Variants in PXDC1 observed in about 807,000 individuals in gnomAD.
The protein encoded by PXDC1 is PX domain containing 1, also known as PX domain-containing protein 1.
Under a neutral mutation model 24.4 loss-of-function variants are expected in PXDC1, and 13 were observed. That is an observed-to-expected ratio of 0.53 (90% confidence interval 0.35 to 0.85). The LOEUF is 0.85. Ranked by LOEUF, PXDC1 falls within the 40% of genes least tolerant of loss-of-function variation. The probability of loss-of-function intolerance (pLI) is 0.01; values close to 1 mark genes in which losing one functional copy is unlikely to be tolerated. For missense variants in PXDC1, 344 were observed against 309.3 expected (o/e 1.11, Z -0.84); for synonymous variants, 162 against 124.9 (o/e 1.30, Z -1.98).
chr6:3,734,617 T>C (rs1581245147), intron 3 of PXDC1, among the ~76,000 whole-genome samples: 1 of 152,294 alleles, frequency 6.6e-6, no homozygotes, highest in Non-Finnish European at 1.5e-5. Context: ...ATAAAGGTTC[T>C]GGAGACCCAG....
At chr6:3,736,304 C>CGGA (rs1361022255) in intron 3 of PXDC1, among the ~76,000 whole-genome samples, 2 of 152,166 alleles carry the variant, frequency 1.3e-5, no homozygotes, top group Non-Finnish European at 2.9e-5. Flanking sequence ...CTCTCCTTCC[C>CGGA]ACAGATCGCA....
At chr6:3,731,703 G>A (rs1404018897) in intron 3 of PXDC1, among the ~76,000 whole-genome samples, 7 of 152,188 alleles carry the variant, frequency 4.6e-5, no homozygotes, top group East Asian at 1.9e-4. Context: ...GGTCTTCTGC[G>A]ACCTCTGACA....
At position 3,737,987 on chromosome 6, in the gene PXDC1, C is replaced by T. The variant is rs1561735881; in HGVS notation, c.348+70G>A. 7.9e-6 allele frequency: 10 copies of T among 1,262,768 alleles called. 1 individual carries two copies. The highest frequency in any genetic ancestry group is 2.4e-5 in the South Asian group (2 of 82,382). The allele number at this position is 1,262,768 out of a possible 1,614,324, so 78.2% of individuals were successfully genotyped here. On this transcript the variant is annotated intron_variant, in intron 2 of 4. Coordinates refer to ENST00000380283, the MANE Select transcript of PXDC1 (RefSeq NM_183373.4). The surrounding 1 kb of genome is among the most constrained non-coding windows in gnomAD (Gnocchi z 5.5). ...CAAGTCAACCCTCCGGGGGGATGGACGCCTTTCGCATTTGGGAGGTGCCAG... is the reference window on the plus strand; with the variant it reads ...CAAGTCAACCCTCCGGGGGGATGGATGCCTTTCGCATTTGGGAGGTGCCAG...
At position 3,737,628 on chromosome 6, in the gene PXDC1, G is replaced by A. The variant is rs776292309; in HGVS notation, c.348+429C>T. ...GCCCGCAGGCTTACATGGAAAGGGAGTTGACGGTCAAATCCGGGCAACGTG... is the reference window on the plus strand; with the variant it reads ...GCCCGCAGGCTTACATGGAAAGGGAATTGACGGTCAAATCCGGGCAACGTG... On this transcript the variant is annotated intron_variant, in intron 2 of 4. Transcript: ENST00000380283. The surrounding 1 kb of genome is among the most constrained non-coding windows in gnomAD (Gnocchi z 5.5). The A allele has an allele frequency of 7.8e-5, 77 of 984,542 alleles. No individual in the cohort carries two copies. The highest frequency in any genetic ancestry group is 9.2e-5 in the Non-Finnish European group (76 of 829,228). The allele number at this position is 984,542 out of a possible 1,614,324, so 61.0% of individuals were successfully genotyped here.
Position 3,737,275 on chromosome 6 carries a change from G to A in PXDC1, c.349-79C>T, listed in dbSNP as rs944157395. 2.0e-5 allele frequency: 20 copies of A among 981,104 alleles called. No individual in the cohort carries two copies. The highest frequency in any genetic ancestry group is 2.2e-4 in the Middle Eastern group (1 of 4,516). 60.8% of individuals were successfully genotyped at this position (981,104 alleles called of 1,614,324 possible). The stretch of plus-strand genomic sequence containing the variant: ...TGTCTGTCTACCAAGAGAGGGCCCC[G>A]CTCCTCCGCAGAGGCAGCCTGTGTG... On this transcript the variant is annotated intron_variant, in intron 2 of 4. Coordinates refer to ENST00000380283, the MANE Select transcript of PXDC1 (RefSeq NM_183373.4). This position sits in a 1 kb window ranked among gnomAD's most constrained non-coding sequence, Gnocchi z 5.5.
At position 3,750,726 on chromosome 6, in the gene PXDC1, C is replaced by A. The variant is rs1354323392; in HGVS notation, c.256+550G>T. Among the ~76,000 whole-genome samples the A allele has an allele frequency of 2.2e-4, 34 of 152,100 alleles. 1 individual carries two copies. The highest frequency in any genetic ancestry group is 2.2e-3 in the Admixed American group (34 of 15,284). On this transcript the variant is annotated intron_variant, in intron 1 of 4. Transcript: ENST00000380283. ...CCTGGCTGTCCGCGGCAGCCGCGGG[C>A]GGGGCGGCCGCTCCGAGGAGGGACG... is the stretch of plus-strand genomic sequence containing the variant.
chr6:3,745,018 C>A lies in PXDC1; in HGVS notation c.256+6258G>T, dbSNP rs189726348. ...GCAGCCATTCTTTCTTAGGATCAGG[C>A]CTAGATCTTAGGATCTTTCTTAGGT... On this transcript the variant is annotated intron_variant, in intron 1 of 4. Transcript: ENST00000380283. Among the ~76,000 whole-genome samples the A allele has an allele frequency of 1.5e-3, 227 of 152,334 alleles. 2 individuals are homozygous for A. Among genetic ancestry groups the A allele is most frequent in the Non-Finnish European group, 1.3e-4 (9 of 68,026 alleles).
chr6:3,727,925 C>T (rs1760106805), intron 3 of PXDC1, among the ~76,000 whole-genome samples: 1 of 152,134 alleles, frequency 6.6e-6, no homozygotes, highest in African/African-American at 2.4e-5. Flanking sequence ...GTACGCTCTC[C>T]ATATGCCCTT....
rs1759965967 is a variant in PXDC1, at chr6:3,722,656, A to G, written c.*963T>C. 1 of 152,674 alleles carries G rather than the reference A, an allele frequency of 6.5e-6. No individual in the cohort carries two copies. Among genetic ancestry groups the G allele is most frequent in the Non-Finnish European group, 1.5e-5 (1 of 68,050 alleles). The allele number at this position is 152,674 out of a possible 1,614,324, so 9.5% of individuals were successfully genotyped here. A position where few individuals can be genotyped will look rare whatever the true frequency, so the allele number is the denominator to read the frequency against. ...TTTTATTTAATTAAAATAGATTAAA[A>G]ACAGACTGTGTAAAAGAATTAGAAT... On this transcript the variant is annotated 3_prime_UTR_variant, in exon 5 of 5. Transcript: ENST00000380283.
Position 3,737,255 on chromosome 6 carries a change from G to C in PXDC1, c.349-59C>G, listed in dbSNP as rs1188499272. 12 of 1,231,344 alleles carry C rather than the reference G, an allele frequency of 9.7e-6. No individual in the cohort carries two copies. The highest frequency in any genetic ancestry group is 1.3e-5 in the Non-Finnish European group (11 of 835,498). The allele number at this position is 1,231,344 out of a possible 1,614,324, so 76.3% of individuals were successfully genotyped here. ...CAGCCTCTACACGTTGGCCCTGTCT[G>C]TCTACCAAGAGAGGGCCCCGCTCCT... On this transcript the variant is annotated intron_variant, in intron 2 of 4. Coordinates refer to ENST00000380283, the MANE Select transcript of PXDC1 (RefSeq NM_183373.4). This position sits in a 1 kb window ranked among gnomAD's most constrained non-coding sequence, Gnocchi z 5.5.
intron 1 of PXDC1, among the ~76,000 whole-genome samples, chr6:3,741,972 ATCT>A (rs1760458902): frequency 6.6e-6 from 1 of 152,220 alleles, no homozygotes; most frequent in Non-Finnish European, 1.5e-5. Flanking sequence ...AATAAAAGAA[ATCT>A]TCATCTTGCA....
chr6:3,728,450 C>A lies in PXDC1; in HGVS notation c.467-788G>T, dbSNP rs930901157. 6.6e-6 allele frequency among the ~76,000 whole-genome samples: 1 copy of A among 152,122 alleles called. No individual in the cohort carries two copies. ...TTTCACTGTTTCGCTTTATGTAATTCTGTATGTAAATGATTTTTTTCCCAA... is the reference window on the plus strand; with the variant it reads ...TTTCACTGTTTCGCTTTATGTAATTATGTATGTAAATGATTTTTTTCCCAA... On this transcript the variant is annotated intron_variant, in intron 3 of 4. Coordinates refer to ENST00000380283, the MANE Select transcript of PXDC1 (RefSeq NM_183373.4). This position sits in a 1 kb window ranked among gnomAD's most constrained non-coding sequence, Gnocchi z 4.0.
chr6:3,746,758 G>A (rs376652856), intron 1 of PXDC1, among the ~76,000 whole-genome samples: 2 of 152,080 alleles, frequency 1.3e-5, no homozygotes, highest in Non-Finnish European at 2.9e-5. Flanking sequence ...GTTGGCCATC[G>A]GGTGGGATTC....
rs938603808 is a variant in PXDC1 at position 3,725,287 on chromosome 6, C to T, written c.579-1551G>A. Among the ~76,000 whole-genome samples, 3 of 152,120 alleles carry T rather than the reference C, an allele frequency of 2.0e-5. No individual in the cohort carries two copies. Among genetic ancestry groups the T allele is most frequent in the Non-Finnish European group, 4.4e-5 (3 of 68,014 alleles). On this transcript the variant is annotated intron_variant, in intron 4 of 4. Transcript: ENST00000380283. The surrounding 1 kb of genome is among the most constrained non-coding windows in gnomAD (Gnocchi z 4.8). The stretch of plus-strand genomic sequence containing the variant: ...TGAGGACATGAGGAGGGAGGGGGAC[C>T]GGGATGCTCAGGGAAAATGAGTCAT...
chr6:3,737,997 AT>A lies in PXDC1; in HGVS notation c.348+59del. 1 of 1,389,500 alleles carries A rather than the reference AT, an allele frequency of 7.2e-7. No individual in the cohort carries two copies. The highest frequency in any genetic ancestry group is 1.2e-5 in the South Asian group (1 of 85,530). 86.1% of individuals were successfully genotyped at this position (1,389,500 alleles called of 1,614,324 possible). On this transcript the variant is annotated intron_variant, in intron 2 of 4. Transcript: ENST00000380283. This position sits in a 1 kb window ranked among gnomAD's most constrained non-coding sequence, Gnocchi z 5.5. ...CTCCGGGGGGATGGACGCCTTTCGCATTTGGGAGGTGCCAGCACCTCCCACC... is the reference window on the plus strand; with the variant it reads ...CTCCGGGGGGATGGACGCCTTTCGCATTGGGAGGTGCCAGCACCTCCCACC...
At chr6:3,733,460 G>A (rs529669468) in intron 3 of PXDC1, among the ~76,000 whole-genome samples, 8 of 152,262 alleles carry the variant, frequency 5.3e-5, no homozygotes, top group Admixed American at 2.0e-4. Context: ...CCTCGCCACC[G>A]GCAGGCACAA....
In PXDC1 at chr6:3,737,140, C is replaced by G. The variant is rs370793783; in HGVS notation, c.405G>C (p.Val135=). ...TFFERSPLDQ[V]LKNDNVHKIQ... ...TTTTATGCACATTATCATTTTTTAACACCTGATCCAGAGGAGATCTTTCGA... is the reference window on the plus strand; with the variant it reads ...TTTTATGCACATTATCATTTTTTAAGACCTGATCCAGAGGAGATCTTTCGA... The change falls in exon 3 of 5, where the codon GTG becomes GTC. Residue 135 remains valine (V), a synonymous_variant. Transcript: ENST00000380283. This position sits in a 1 kb window ranked among gnomAD's most constrained non-coding sequence, Gnocchi z 5.5. 2.4e-5 allele frequency: 38 copies of G among 1,613,784 alleles called. No individual in the cohort carries two copies. Among genetic ancestry groups the G allele is most frequent in the Non-Finnish European group, 3.2e-5 (38 of 1,179,782 alleles).
chr6:3,750,310 G>A (rs1318268351), intron 1 of PXDC1, among the ~76,000 whole-genome samples: 1 of 152,218 alleles, frequency 6.6e-6, no homozygotes, highest in Admixed American at 6.5e-5. Flanking sequence ...GAGGACTGCA[G>A]AAAAGAAGGC....
At chr6:3,738,845 A>AG in intron 1 of PXDC1, 1 of 1,303,378 alleles carries the variant, frequency 7.7e-7, no homozygotes, top group Non-Finnish European at 1.0e-6. Flanking sequence ...CCCCATGAGA[A>AG]GCGCAGAGCA....
Sources: allele counts gnomAD v4.1 joint callset (sites outside exome capture counted in the v4.1 genomes callset), GRCh38; gene constraint gnomAD v4.1.1; non-coding constraint Gnocchi (gnomAD v3.1); transcripts MANE v1.5; gene names NCBI Gene and HGNC (gene_info 2026-07-23, HGNC 2026-07-21).